Variants in SH3D19 observed in about 807,000 individuals in gnomAD.
SH3D19 encodes SH3 domain containing 19, also known as SH3 domain-containing protein 19.
A neutral mutation model predicts 112.1 loss-of-function variants in SH3D19; 58 were observed. The ratio of observed to expected loss-of-function variants is 0.52; its 90% CI spans 0.42 to 0.64. The LOEUF is 0.64. SH3D19 is among the 30% of genes least tolerant of loss of function. The pLI is 0.00. For missense variants in SH3D19, 1,090 were observed against 1,263.4 expected (o/e 0.86, Z 2.08); for synonymous variants, 391 against 448.5 (o/e 0.87, Z 1.62).
At chr4:151,277,074 C>T (rs1048750979) in intron 1 of SH3D19, 51 of 861,302 alleles carry the variant, frequency 5.9e-5, no homozygotes, top group Non-Finnish European at 7.8e-5. Flanking sequence ...CAGAGGAATC[C>T]ATCTAGGAGA....
intron 9 of SH3D19, among the ~76,000 whole-genome samples, chr4:151,151,628 C>T (rs1054641978): frequency 8.5e-4 from 129 of 152,112 alleles, no homozygotes; most frequent in East Asian, 1.7e-3. Flanking sequence ...TTAAGCTTGC[C>T]CTTAAAACTT....
intron 7 of SH3D19, among the ~76,000 whole-genome samples, chr4:151,172,723 T>C (rs1759293177): frequency 6.6e-6 from 1 of 152,144 alleles, no homozygotes; most frequent in Admixed American, 6.6e-5. Flanking sequence ...GTAACAAATA[T>C]GGTAGACCCT....
At chr4:151,252,022 C>T (rs570070257) in intron 1 of SH3D19, among the ~76,000 whole-genome samples, 1 of 152,292 alleles carries the variant, frequency 6.6e-6, no homozygotes, top group African/African-American at 2.4e-5. Context: ...GCATCTGTGC[C>T]CATTGCCTTT....
chr4:151,128,098 A>G, intron 18 of SH3D19, 72 bp downstream of exon 18: 7 of 1,269,186 alleles, frequency 5.5e-6, no homozygotes, highest in Non-Finnish European at 7.4e-6. Flanking sequence ...CAGAGGGGAA[A>G]GGAATGTATA....
chr4:151,322,431 TA>T (rs57301959), intron 1 of SH3D19, among the ~76,000 whole-genome samples: 2,689 of 38,422 alleles, frequency 0.07, 56 homozygotes, highest in African/African-American at 0.19. Context: ...AGACTCTGCC[TA>T]AAAAAAAAAA....
intron 1 of SH3D19, among the ~76,000 whole-genome samples, chr4:151,315,512 C>A (rs981424014): frequency 6.6e-6 from 1 of 152,158 alleles, no homozygotes; most frequent in Non-Finnish European, 1.5e-5. Context: ...TCTAATTATA[C>A]AATGAAATTA....
In SH3D19 at chr4:151,137,730, A is replaced by G; in HGVS notation, c.2427+2T>C. 6.3e-7 allele frequency: 1 copy of G among 1,589,118 alleles called. No homozygotes were observed. Among genetic ancestry groups the G allele is most frequent in the Non-Finnish European group, 8.5e-7 (1 of 1,170,062 alleles). Reference sequence around the variant, plus strand: ...AAATTAAAACAAACACAACCCACTTACAATCACTTTGACATAGTTGGCAGG... The same window carrying G: ...AAATTAAAACAAACACAACCCACTTGCAATCACTTTGACATAGTTGGCAGG... On this transcript the variant is annotated splice_donor_variant, in intron 14 of 19. Transcript: ENST00000604030. LOFTEE classifies it high-confidence loss of function.
At position 151,298,181 on chromosome 4, in the gene SH3D19, ATTTTTTT is replaced by A. The variant is rs386401883; in HGVS notation, c.112+27053_112+27059del. ...GACCTCCAGAATTACAGAATAATAAATTTTTTTTTTTTTTTTTTTTTTTTGAGACGGA... is the reference window on the plus strand; with the variant it reads ...GACCTCCAGAATTACAGAATAATAAATTTTTTTTTTTTTTTTTGAGACGGA... On this transcript the variant is annotated intron_variant, in intron 1 of 19. Coordinates refer to ENST00000604030, the MANE Select transcript of SH3D19 (RefSeq NM_001378122.1). 1.7e-4 allele frequency among the ~76,000 whole-genome samples: 16 copies of A among 94,898 alleles called. No individual in the cohort carries two copies. In the East Asian group the frequency reaches 2.4e-3, roughly 14 times the overall value. The allele number at this position is 94,898 out of a possible 152,430, so 62.3% of individuals were successfully genotyped here.
At position 151,159,352 on chromosome 4, in the gene SH3D19, C is replaced by T. The variant is rs769843785; in HGVS notation, c.1643G>A (p.Cys548Tyr). 2.6e-6 allele frequency: 4 copies of T among 1,542,118 alleles called. No individual in the cohort carries two copies. The South Asian group carries it at 3.8e-5, about 14-fold the overall frequency. ...TGGACTTTGTGGATCCTCATGTAAA[C>T]CTGGAAAAAGTAGCAGTAATTCATC... Reference protein sequence around the residue: ...VIRIPAKPGKCLHEDPQSPPP... With the variant: ...VIRIPAKPGKYLHEDPQSPPP... The change falls in exon 9 of 20, where the codon TGT becomes TAT. Residue 548 changes from cysteine (C) to tyrosine (Y), a missense_variant and splice_region_variant. Transcript: ENST00000604030.
In SH3D19 at chr4:151,126,904, G is replaced by T. The variant is rs186769907; in HGVS notation, c.3027+714C>A. Among the ~76,000 whole-genome samples, 42 of 139,838 alleles carry T rather than the reference G, an allele frequency of 3.0e-4. 1 individual carries two copies. The highest frequency in any genetic ancestry group is 2.8e-3 in the Admixed American group (39 of 13,802). The allele number at this position is 139,838 out of a possible 152,430, so 91.7% of individuals were successfully genotyped here. On this transcript the variant is annotated intron_variant, in intron 19 of 19. Transcript: ENST00000604030. ...AAAAAAAAAAAACCTTTGCAAACTA[G>T]CTCAACCTTTTGGGACTATTTCCCC...
At chr4:151,290,576 T>C (rs989127348) in intron 1 of SH3D19, among the ~76,000 whole-genome samples, 11 of 152,226 alleles carry the variant, frequency 7.2e-5, no homozygotes, top group South Asian at 2.1e-4. Flanking sequence ...GTATGAGGTT[T>C]CTTTTTAGGG....
At chr4:151,280,696 T>C (rs752129363) in intron 1 of SH3D19, among the ~76,000 whole-genome samples, 1 of 151,838 alleles carries the variant, frequency 6.6e-6, no homozygotes. Context: ...GAGGCTGAGG[T>C]AGAAGGATCA....
intron 7 of SH3D19, among the ~76,000 whole-genome samples, 164 bp downstream of exon 7, chr4:151,174,505 TG>T (rs1321521229): frequency 6.6e-6 from 1 of 152,216 alleles, no homozygotes; most frequent in African/African-American, 2.4e-5. Flanking sequence ...CCATGTTTCT[TG>T]ATCTGTCTGT....
chr4:151,292,228 G>A (rs1191051650), intron 1 of SH3D19, among the ~76,000 whole-genome samples: 1 of 151,930 alleles, frequency 6.6e-6, no homozygotes, highest in Non-Finnish European at 1.5e-5. Context: ...GAGACCAGGA[G>A]TTCGAGGCTG....
At chr4:151,282,837 G>C (rs1207640095) in intron 1 of SH3D19, among the ~76,000 whole-genome samples, 2 of 152,026 alleles carry the variant, frequency 1.3e-5, no homozygotes, top group Non-Finnish European at 2.9e-5. Context: ...GAATCCTTTA[G>C]AATAGTCATA....
intron 2 of SH3D19, among the ~76,000 whole-genome samples, chr4:151,212,584 C>A (rs1159779884): frequency 6.6e-6 from 1 of 152,210 alleles, no homozygotes; most frequent in Non-Finnish European, 1.5e-5. Context: ...ACTCTTGAGA[C>A]CTATTGCTCA....
chr4:151,243,159 T>A (rs1309885625), intron 1 of SH3D19, among the ~76,000 whole-genome samples: 1 of 152,224 alleles, frequency 6.6e-6, no homozygotes, highest in Non-Finnish European at 1.5e-5. Flanking sequence ...TATCCCTGGT[T>A]ATCTGTCCTC....
At chr4:151,232,109 G>A (rs1420479311) in intron 1 of SH3D19, among the ~76,000 whole-genome samples, 2 of 152,168 alleles carry the variant, frequency 1.3e-5, no homozygotes, top group African/African-American at 2.4e-5. Context: ...GCTTGAACCC[G>A]GGAGGCGGAG....
chr4:151,292,299 TA>T lies in SH3D19; in HGVS notation c.112+32941del, dbSNP rs879829140. Among the ~76,000 whole-genome samples the T allele has an allele frequency of 6.5e-3, 923 of 141,798 alleles. 4 individuals are homozygous for T. Among genetic ancestry groups the T allele is most frequent in the African/African-American group, 0.016 (633 of 39,004 alleles). The allele number at this position is 141,798 out of a possible 152,430, so 93.0% of individuals were successfully genotyped here. A position where few individuals can be genotyped will look rare whatever the true frequency, so the allele number is the denominator to read the frequency against. On this transcript the variant is annotated intron_variant, in intron 1 of 19. Transcript: ENST00000604030. ...GGGCAACAGAGCAAGACCCTGTCTT[TA>T]AAAAAAAAAAAGGAAAAGAAAAGAA... is the stretch of plus-strand genomic sequence containing the variant.
Sources: allele counts gnomAD v4.1 joint callset (sites outside exome capture counted in the v4.1 genomes callset), GRCh38; gene constraint gnomAD v4.1.1; transcripts MANE v1.5; gene names NCBI Gene and HGNC (gene_info 2026-07-23, HGNC 2026-07-21).